The following RTN1 variants were observed in gnomAD, a reference collection of about 807,000 sequenced individuals.
RTN1 encodes the protein reticulon-1.
In RTN1, 25 loss-of-function variants were observed where a neutral mutation model predicts 65.5. The ratio of observed to expected loss-of-function variants is 0.38; its 90% CI spans 0.28 to 0.53. The LOEUF (loss-of-function observed/expected upper bound fraction) is 0.53, where lower values mean the gene tolerates loss of function less well. RTN1 is among the 20% of genes least tolerant of loss of function. The pLI is 0.79. For missense variants in RTN1, 983 were observed against 1,025.4 expected (o/e 0.96, Z 0.57); for synonymous variants, 471 against 447.6 (o/e 1.05, Z -0.66).
chr14:59,665,777 G>T (rs1303539153), intron 3 of RTN1, among the ~76,000 whole-genome samples: 1 of 152,174 alleles, frequency 6.6e-6, no homozygotes, highest in South Asian at 2.1e-4. Flanking sequence ...GCAAAAAAAA[G>T]CAGGGGTTGC....
At chr14:59,736,297 A>C (rs1424429944) in intron 2 of RTN1, among the ~76,000 whole-genome samples, 1 of 152,178 alleles carries the variant, frequency 6.6e-6, no homozygotes, top group East Asian at 1.9e-4. Flanking sequence ...AATACAGAAG[A>C]AAAGAGAAGA....
chr14:59,819,234 A>G (rs1267020982), intron 1 of RTN1, among the ~76,000 whole-genome samples: 1 of 151,994 alleles, frequency 6.6e-6, no homozygotes, highest in Non-Finnish European at 1.5e-5. Flanking sequence ...TATTGTGAAG[A>G]GCGAAAGAAC....
intron 3 of RTN1, among the ~76,000 whole-genome samples, chr14:59,644,585 C>T (rs1882850215): frequency 6.6e-6 from 1 of 152,200 alleles, no homozygotes; most frequent in African/African-American, 2.4e-5. Flanking sequence ...GACCCCCATA[C>T]ATACCCCGAG....
At chr14:59,682,208 T>A (rs918879367) in intron 3 of RTN1, among the ~76,000 whole-genome samples, 3 of 152,218 alleles carry the variant, frequency 2.0e-5, no homozygotes, top group Non-Finnish European at 4.4e-5. Context: ...CACACATTCT[T>A]TTCTTCAACT....
chr14:59,659,053 G>A (rs1029314411), intron 3 of RTN1, among the ~76,000 whole-genome samples: 2 of 152,068 alleles, frequency 1.3e-5, no homozygotes, highest in Non-Finnish European at 2.9e-5. Flanking sequence ...ACCTGATGGA[G>A]CTGAAAAACA....
At chr14:59,668,241 G>A (rs978411158) in intron 3 of RTN1, among the ~76,000 whole-genome samples, 1 of 152,136 alleles carries the variant, frequency 6.6e-6, no homozygotes. Context: ...GCATGGTACT[G>A]GTACCAAAAC....
At chr14:59,855,958 G>A (rs1887599715) in intron 1 of RTN1, among the ~76,000 whole-genome samples, 2 of 152,170 alleles carry the variant, frequency 1.3e-5, no homozygotes, top group African/African-American at 2.4e-5. Flanking sequence ...TTTCTATCCT[G>A]CTAGGATGCC....
intron 2 of RTN1, among the ~76,000 whole-genome samples, chr14:59,739,410 G>A (rs549530041): frequency 1.3e-5 from 2 of 151,752 alleles, no homozygotes; most frequent in East Asian, 1.9e-4. Flanking sequence ...GCATGGTGGC[G>A]GGCACATGTA....
intron 1 of RTN1, among the ~76,000 whole-genome samples, chr14:59,855,199 A>G (rs12881249): frequency 0.22 from 33,708 of 152,084 alleles, 4,209 homozygotes; most frequent in East Asian, 0.56. Context: ...TTCCTGTGCT[A>G]CAGAGAACAG....
intron 3 of RTN1, among the ~76,000 whole-genome samples, chr14:59,707,850 G>T (rs1884332560): frequency 6.6e-6 from 1 of 151,976 alleles, no homozygotes. Flanking sequence ...GTATTCAGTA[G>T]GAAGAAACAG....
chr14:59,656,215 G>A (rs1377573693), intron 3 of RTN1, among the ~76,000 whole-genome samples: 7 of 151,858 alleles, frequency 4.6e-5, no homozygotes, highest in Non-Finnish European at 1.5e-5. Flanking sequence ...GCTGGGAGGT[G>A]GGGGGAATGA....
chr14:59,692,057 A>G (rs1883972718), intron 3 of RTN1, among the ~76,000 whole-genome samples: 1 of 152,182 alleles, frequency 6.6e-6, no homozygotes, highest in Non-Finnish European at 1.5e-5. Context: ...CACCACTCCA[A>G]TATAGTACTG....
intron 3 of RTN1, among the ~76,000 whole-genome samples, chr14:59,664,861 G>T (rs562281117): frequency 6.6e-6 from 1 of 152,208 alleles, no homozygotes; most frequent in East Asian, 1.9e-4. Context: ...AAATGCCAGA[G>T]TGCAATTACT....
chr14:59,785,111 T>C (rs1473523136), intron 1 of RTN1, among the ~76,000 whole-genome samples: 2 of 152,192 alleles, frequency 1.3e-5, no homozygotes, highest in Non-Finnish European at 2.9e-5. Flanking sequence ...TTGCTTCAAA[T>C]GGAGAGAGGT....
At chr14:59,811,316 A>C (rs1267371369) in intron 1 of RTN1, among the ~76,000 whole-genome samples, 2 of 152,206 alleles carry the variant, frequency 1.3e-5, no homozygotes, top group Admixed American at 1.3e-4. Context: ...AAACACAAGC[A>C]AATGACCCCA....
intron 1 of RTN1, among the ~76,000 whole-genome samples, chr14:59,786,627 A>AG (rs1886254448): frequency 6.6e-6 from 1 of 152,182 alleles, no homozygotes; most frequent in Admixed American, 6.5e-5. Context: ...TAAAAAGTAT[A>AG]GGATAAAGAG....
At chr14:59,780,666 G>C (rs1886137947) in intron 1 of RTN1, among the ~76,000 whole-genome samples, 1 of 151,986 alleles carries the variant, frequency 6.6e-6, no homozygotes, top group South Asian at 2.1e-4. Context: ...CCAATATAAG[G>C]CAACTTCATT....
intron 1 of RTN1, among the ~76,000 whole-genome samples, chr14:59,784,359 T>C (rs990242785): frequency 1.3e-4 from 20 of 151,890 alleles, no homozygotes; most frequent in African/African-American, 4.6e-4. Flanking sequence ...GAGAATTGCT[T>C]GAACCTGGGA....
chr14:59,624,465 CT>C (rs113013375), intron 3 of RTN1, among the ~76,000 whole-genome samples: 220 of 141,926 alleles, frequency 1.6e-3, no homozygotes, highest in Non-Finnish European at 1.6e-3. Context: ...ATTTTCTTTT[CT>C]TTTTTTTTTT....
Sources: allele counts gnomAD v4.1 joint callset (sites outside exome capture counted in the v4.1 genomes callset), GRCh38; gene constraint gnomAD v4.1.1; transcripts MANE v1.5; gene names NCBI Gene and HGNC (gene_info 2026-07-23, HGNC 2026-07-21).